The following COL4A4 variants were observed in gnomAD, a reference collection of about 807,000 sequenced individuals.
COL4A4 encodes the protein collagen alpha-4(IV) chain.
COL4A4 carries 105 observed loss-of-function variants against 192.9 expected under a neutral mutation model. The observed-to-expected ratio is 0.54, with a 90% CI of 0.46 to 0.64. COL4A4 has a LOEUF of 0.64. Among genes scored for constraint, COL4A4 ranks in the 30% least tolerant of loss-of-function variants. The pLI is 0.00. For synonymous variants in COL4A4, 762 were observed against 769.9 expected, an observed-to-expected ratio of 0.99 and a Z score of 0.17; for missense variants, 1,967 against 2,169.3, an observed-to-expected ratio of 0.91 and a Z score of 1.85.
At chr2:227,125,192 T>G (rs1013674136) in intron 4 of COL4A4, among the ~76,000 whole-genome samples, 2 of 152,126 alleles carry the variant, frequency 1.3e-5, no homozygotes, top group Non-Finnish European at 2.9e-5. Flanking sequence ...AAATGCCATA[T>G]AAAATACTTT....
chr2:227,104,022 G>C lies in COL4A4; in HGVS notation c.766C>G (p.Pro256Ala). The change falls in exon 13 of 48, where the codon CCC (proline) becomes GCC (alanine). Residue 256 changes from proline to alanine, a missense_variant. Pro to Ala is a conservative substitution (Grantham distance 27). Coordinates refer to ENST00000396625, the MANE Select transcript of COL4A4 (RefSeq NM_000092.5). ...TCAGGTGGCTCTACCAACAGGGTGG[G>C]TCCAGGAGAACCTTGCTGACCAACC... The part of the protein sequence containing the change: ...GEVGQQGSPG[P>A]TLLVEPPDFC... The C allele has an allele frequency of 6.2e-7, 1 of 1,613,182 alleles. No homozygotes were observed. Among genetic ancestry groups the C allele is most frequent in the Non-Finnish European group, 8.5e-7 (1 of 1,179,906 alleles).
chr2:226,980,803 G>A, the COL4A4 span, among the ~76,000 whole-genome samples: 2 of 152,236 alleles, frequency 1.3e-5, no homozygotes, highest in African/African-American at 4.8e-5. Context: ...TGGGATTGAT[G>A]TTTAAAAAAT....
At chr2:227,090,579 C>G (rs996251113) in intron 20 of COL4A4, among the ~76,000 whole-genome samples, 1 of 151,660 alleles carries the variant, frequency 6.6e-6, no homozygotes, top group Non-Finnish European at 1.5e-5. Flanking sequence ...TAAAACCCCC[C>G]CCATCTCTGC....
Position 227,129,250 on chromosome 2 carries a change from C to T in COL4A4, c.193-8102G>A, listed in dbSNP as rs921128085. On this transcript the variant is annotated intron_variant, in intron 4 of 47. Coordinates refer to ENST00000396625, the MANE Select transcript of COL4A4 (RefSeq NM_000092.5). ...TTCAGTTCTGACTTCAAGGTTTCTGCTTCCATTTAACTGCAGTCCTCATCA... is the reference window on the plus strand; with the variant it reads ...TTCAGTTCTGACTTCAAGGTTTCTGTTTCCATTTAACTGCAGTCCTCATCA... Among the ~76,000 whole-genome samples, 3 of 152,224 alleles carry T rather than the reference C, an allele frequency of 2.0e-5. No homozygotes were observed. In the South Asian group the frequency reaches 6.2e-4, roughly 32 times the overall value.
At chr2:227,056,504 C>A (rs541052475) in intron 29 of COL4A4, among the ~76,000 whole-genome samples, 4 of 152,238 alleles carry the variant, frequency 2.6e-5, no homozygotes, top group South Asian at 2.1e-4. Context: ...ATTATTGGTG[C>A]TAGAAATATG....
intron 19 of COL4A4, among the ~76,000 whole-genome samples, chr2:227,098,096 T>G (rs1414679265): frequency 6.6e-6 from 1 of 152,220 alleles, no homozygotes; most frequent in Non-Finnish European, 1.5e-5. Flanking sequence ...CATTTTCTTA[T>G]TTTTGTTTTT....
chr2:227,027,571 C>T (rs1467918375), intron 42 of COL4A4, among the ~76,000 whole-genome samples: 1 of 150,822 alleles, frequency 6.6e-6, no homozygotes, highest in Non-Finnish European at 1.5e-5. Flanking sequence ...CAACATGGCA[C>T]ATGTATACAT....
At chr2:226,988,456 T>C in the COL4A4 span, 2 of 1,549,064 alleles carry the variant, frequency 1.3e-6, no homozygotes, top group South Asian at 1.2e-5. Flanking sequence ...AAGGAATCCT[T>C]TGAGGCTGCA....
chr2:227,016,336 G>T (rs1389229144), intron 44 of COL4A4, among the ~76,000 whole-genome samples: 2 of 152,130 alleles, frequency 1.3e-5, no homozygotes, highest in Non-Finnish European at 2.9e-5. Context: ...CACCCTCCAT[G>T]ACCCAGGCCT....
intron 1 of COL4A4, among the ~76,000 whole-genome samples, chr2:227,150,522 T>G (rs2063858128): frequency 6.6e-6 from 1 of 152,144 alleles, no homozygotes; most frequent in African/African-American, 2.4e-5. Context: ...AATAAAAATT[T>G]TTTAACTATA....
At position 227,042,266 on chromosome 2, in the gene COL4A4, CAG is replaced by C; in HGVS notation, c.3398-13_3398-12del. The C allele has an allele frequency of 6.4e-7, 1 of 1,564,276 alleles. No homozygotes were observed. Among genetic ancestry groups the C allele is most frequent in the Non-Finnish European group, 8.8e-7 (1 of 1,134,690 alleles). On this transcript the variant is annotated splice_polypyrimidine_tract_variant and intron_variant, in intron 36 of 47. Transcript: ENST00000396625. ...GCATCCCGTGATCACCTGAGGATGA[CAG>C]GGAAGTTTTGCAGATGGCCAGATAA...
At chr2:227,100,675 C>A (rs1370590318) in intron 17 of COL4A4, among the ~76,000 whole-genome samples, 1 of 152,092 alleles carries the variant, frequency 6.6e-6, no homozygotes, top group African/African-American at 2.4e-5. Flanking sequence ...TAACAAGGGA[C>A]AACTGATATG....
Position 227,050,025 on chromosome 2 carries a change from G to A in COL4A4, c.3214+43C>T, listed in dbSNP as rs757067200. 2.8e-5 allele frequency: 43 copies of A among 1,558,094 alleles called. 1 individual carries two copies. In the South Asian group the frequency reaches 4.3e-4, roughly 16 times the overall value. On this transcript the variant is annotated intron_variant, in intron 34 of 47. Coordinates refer to ENST00000396625, the MANE Select transcript of COL4A4 (RefSeq NM_000092.5). ...TGTTTACAATGTTATAAACATTCGG[G>A]ACTATGCATTTGACAGATGGCTTCT...
downstream of COL4A4, chr2:226,998,038 A>G (rs1182553764): frequency 1.3e-5 from 2 of 152,218 alleles, no homozygotes; most frequent in Non-Finnish European, 2.9e-5. Flanking sequence ...ACTTAGAGCT[A>G]ATTTTTTAAT....
intron 9 of COL4A4, among the ~76,000 whole-genome samples, chr2:227,110,871 G>C (rs2061163102): frequency 6.6e-6 from 1 of 150,852 alleles, no homozygotes; most frequent in Non-Finnish European, 1.5e-5. Flanking sequence ...TAGTAGATAG[G>C]GGCTTTCACC....
At chr2:227,067,654 G>T (rs1279971629) in intron 25 of COL4A4, among the ~76,000 whole-genome samples, 1 of 152,144 alleles carries the variant, frequency 6.6e-6, no homozygotes, top group East Asian at 1.9e-4. Context: ...AGATAAAGAT[G>T]TTCTTTGAAA....
At chr2:227,135,095 C>A (rs1001186348) in intron 4 of COL4A4, among the ~76,000 whole-genome samples, 2 of 152,160 alleles carry the variant, frequency 1.3e-5, no homozygotes, top group Admixed American at 1.3e-4. Flanking sequence ...CTCATTCACA[C>A]CCTTAAAGAT....
intron 24 of COL4A4, among the ~76,000 whole-genome samples, chr2:227,078,309 C>G (rs1157136124): frequency 6.6e-6 from 1 of 152,140 alleles, no homozygotes; most frequent in African/African-American, 2.4e-5. Flanking sequence ...GTGGTGCTAT[C>G]TCGGTTCACT....
At position 227,006,982 on chromosome 2, in the gene COL4A4, C is replaced by G. The variant is rs1962277151; in HGVS notation, c.*343G>C. ...TTCAATTGTTTGAGATACTGTTAACCCAAGAATGAAGTTTTCAGTAATGTA... is the reference window on the plus strand; with the variant it reads ...TTCAATTGTTTGAGATACTGTTAACGCAAGAATGAAGTTTTCAGTAATGTA... On this transcript the variant is annotated 3_prime_UTR_variant, in exon 48 of 48. Coordinates refer to ENST00000396625, the MANE Select transcript of COL4A4 (RefSeq NM_000092.5). 5.9e-6 allele frequency: 2 copies of G among 341,232 alleles called. No homozygotes were observed. Among genetic ancestry groups the G allele is most frequent in the Non-Finnish European group, 1.1e-5 (2 of 177,852 alleles). 21.1% of individuals were successfully genotyped at this position (341,232 alleles called of 1,614,324 possible).
Sources: allele counts gnomAD v4.1 joint callset (sites outside exome capture counted in the v4.1 genomes callset), GRCh38; gene constraint gnomAD v4.1.1; transcripts MANE v1.5; gene names NCBI Gene and HGNC (gene_info 2026-07-23, HGNC 2026-07-21).